KAT14: variants seen among roughly 807,000 people sequenced by gnomAD.
KAT14 encodes cysteine-rich protein 2-binding protein.
Under a neutral mutation model 78.4 loss-of-function variants are expected in KAT14, and 66 were observed. The ratio of observed to expected loss-of-function variants is 0.84; its 90% CI spans 0.69 to 1.03. KAT14 has a LOEUF of 1.03. KAT14 is among the 50% of genes least tolerant of loss of function. The probability of loss-of-function intolerance (pLI) is 0.00; values close to 1 mark genes in which losing one functional copy is unlikely to be tolerated. For synonymous variants in KAT14, 344 were observed against 359.4 expected (o/e 0.96, Z 0.48); for missense variants, 870 against 972.5 (o/e 0.89, Z 1.40).
intron 5 of KAT14, among the ~76,000 whole-genome samples, chr20:18,161,335 C>T (rs1352111041): frequency 2.0e-5 from 3 of 152,190 alleles, no homozygotes; most frequent in East Asian, 1.9e-4. Flanking sequence ...GATTAAGAGG[C>T]GTGCACCACC....
At chr20:18,174,322 G>A (rs2038957260) in intron 7 of KAT14, among the ~76,000 whole-genome samples, 1 of 152,140 alleles carries the variant, frequency 6.6e-6, no homozygotes. Flanking sequence ...ATTTCTCTGA[G>A]TGTAGATCTA....
chr20:18,161,923 G>T lies in KAT14; in HGVS notation c.783G>T (p.Arg261Ser). 1.2e-6 allele frequency: 2 copies of T among 1,614,218 alleles called. No homozygotes were observed. Among genetic ancestry groups the T allele is most frequent in the Non-Finnish European group, 1.7e-6 (2 of 1,180,054 alleles). The change falls in exon 6 of 11, where the codon AGG becomes AGT. Residue 261 changes from arginine to serine, a missense_variant. Physicochemically the swap from Arg to Ser is moderately radical, Grantham distance 110. Transcript: ENST00000688188. ...VESAMELKEK[R>S]SRTQEAKDIR... ...CTGCCATGGAATTAAAAGAGAAAAG[G>T]TCTCGAACTCAGGAAGCAAAAGACA... is the stretch of plus-strand genomic sequence containing the variant.
chr20:18,181,668 C>T, intron 7 of KAT14, 42 bp from the exon 8 acceptor site: 1 of 1,612,778 alleles, frequency 6.2e-7, no homozygotes, highest in South Asian at 1.1e-5. Flanking sequence ...TGTGCCCAGC[C>T]TGAGTAATTA....
intron 3 of KAT14, among the ~76,000 whole-genome samples, chr20:18,147,489 AGTG>A (rs1417830429): frequency 6.6e-6 from 1 of 152,174 alleles, no homozygotes. Flanking sequence ...AGTTTTCTGT[AGTG>A]GTTCTTTTTA....
At chr20:18,160,717 G>A (rs1170622555) in intron 5 of KAT14, among the ~76,000 whole-genome samples, 1 of 152,096 alleles carries the variant, frequency 6.6e-6, no homozygotes, top group Non-Finnish European at 1.5e-5. Flanking sequence ...AAAGTGCTGG[G>A]ATTACAGGCA....
chr20:18,145,207 G>A (rs1242981907), intron 2 of KAT14, 26 bp from the exon 3 acceptor site: 2 of 1,612,578 alleles, frequency 1.2e-6, no homozygotes, highest in African/African-American at 2.7e-5. Flanking sequence ...ATAAACCCAT[G>A]ATGTGACTTT....
intron 4 of KAT14, among the ~76,000 whole-genome samples, chr20:18,152,944 C>T (rs779651207): frequency 2.6e-5 from 4 of 152,168 alleles, no homozygotes; most frequent in Admixed American, 6.5e-5. Context: ...TAAATGTCCA[C>T]GTGGATCTAT....
chr20:18,155,713 T>C (rs1363542851), intron 4 of KAT14, among the ~76,000 whole-genome samples: 2 of 152,218 alleles, frequency 1.3e-5, no homozygotes, highest in African/African-American at 4.8e-5. Context: ...CCTCTTAGGA[T>C]GACAATTATC....
At position 18,142,741 on chromosome 20, in the gene KAT14, G is replaced by A. The variant is rs1322904295; in HGVS notation, c.81G>A (p.Leu27=). The A allele has an allele frequency of 1.2e-6, 2 of 1,614,214 alleles. No individual in the cohort carries two copies. The highest frequency in any genetic ancestry group is 1.7e-5 in the Admixed American group (1 of 60,028). The part of the protein sequence containing the change: ...EATRTSTSEG[L]EEGEVEGETL... ...CGAGAACATCGACCTCAGAAGGACT[G>A]GAGGAAGGTGAAGTGGAGGGAGAGA... The change falls in exon 2 of 11, where the codon CTG becomes CTA. Residue 27 remains leucine, a synonymous_variant. Coordinates refer to ENST00000688188, the MANE Select transcript of KAT14 (RefSeq NM_001392073.1).
chr20:18,186,109 ACT>A (rs2039440243), intron 10 of KAT14, among the ~76,000 whole-genome samples: 1 of 152,134 alleles, frequency 6.6e-6, no homozygotes. Flanking sequence ...CACGAATAGT[ACT>A]CTGTCCTTGT....
intron 2 of KAT14, among the ~76,000 whole-genome samples, chr20:18,143,785 G>A (rs1568662662): frequency 6.6e-6 from 1 of 152,050 alleles, no homozygotes; most frequent in Non-Finnish European, 1.5e-5. Context: ...GCGCCACCAT[G>A]CCCGGCCAAT....
At chr20:18,184,013 ATTCTTTTGG>A (rs2039360309) in intron 9 of KAT14, among the ~76,000 whole-genome samples, 1 of 152,228 alleles carries the variant, frequency 6.6e-6, no homozygotes, top group Admixed American at 6.5e-5. Flanking sequence ...AGCTGCACTC[ATTCTTTTGG>A]GAGTCATACT....
intron 7 of KAT14, among the ~76,000 whole-genome samples, chr20:18,181,207 G>A (rs1366878409): frequency 1.3e-5 from 2 of 151,964 alleles, no homozygotes; most frequent in African/African-American, 4.8e-5. Context: ...AACAGCTGGG[G>A]TTTTTTGTGT....
chr20:18,138,708 G>A (rs1327440482), intron 1 of KAT14, among the ~76,000 whole-genome samples: 2 of 151,216 alleles, frequency 1.3e-5, no homozygotes, highest in African/African-American at 4.9e-5. Context: ...TTTTTTTTTG[G>A]TACTTTTATT....
intron 7 of KAT14, among the ~76,000 whole-genome samples, chr20:18,179,215 C>A (rs943785857): frequency 2.0e-5 from 3 of 152,226 alleles, no homozygotes; most frequent in African/African-American, 7.2e-5. Context: ...GAGTGTCCAA[C>A]TTTTCCAGTT....
intron 1 of KAT14, chr20:18,138,278 C>A: frequency 8.2e-7 from 1 of 1,215,818 alleles, no homozygotes; most frequent in Non-Finnish European, 1.0e-6. Flanking sequence ...CAGGACGACC[C>A]GGCTGCCCGG....
chr20:18,153,081 T>C (rs2038105794), intron 4 of KAT14, among the ~76,000 whole-genome samples: 1 of 152,186 alleles, frequency 6.6e-6, no homozygotes, highest in Non-Finnish European at 1.5e-5. Flanking sequence ...CATAATGAGG[T>C]TAGTTTAGAC....
At chr20:18,179,183 G>T (rs140946010) in intron 7 of KAT14, among the ~76,000 whole-genome samples, 80 of 152,304 alleles carry the variant, frequency 5.3e-4, no homozygotes, top group African/African-American at 1.8e-3. Flanking sequence ...CCCCCTCCTG[G>T]CTGCTTTCAT....
chr20:18,145,854 T>C (rs1469318729), intron 3 of KAT14, among the ~76,000 whole-genome samples: 1 of 152,204 alleles, frequency 6.6e-6, no homozygotes, highest in African/African-American at 2.4e-5. Context: ...ATGATTTCTT[T>C]TATATGTGAT....
Sources: gnomAD v4.1 joint callset for allele counts (sites outside exome capture counted in the v4.1 genomes callset) on GRCh38, gnomAD v4.1.1 for gene constraint, MANE v1.5 for transcripts, NCBI Gene and HGNC (gene_info 2026-07-23, HGNC 2026-07-21) for gene names.